The following NEDD4L variants were observed in gnomAD, a reference collection of about 807,000 sequenced individuals.
The protein encoded by NEDD4L is NEDD4 like E3 ubiquitin protein ligase, also known as E3 ubiquitin-protein ligase NEDD4-like.
A neutral mutation model predicts 148.9 loss-of-function variants in NEDD4L; 54 were observed. That is an observed-to-expected ratio of 0.36 (90% CI 0.29 to 0.45). The LOEUF is 0.45. Ranked by LOEUF, NEDD4L falls within the 20% of genes least tolerant of loss-of-function variation. The pLI, the probability that NEDD4L is intolerant of heterozygous loss-of-function variation, is 1.00. For synonymous variants in NEDD4L, 433 were observed against 440.7 expected (o/e 0.98, Z 0.22); for missense variants, 856 against 1,233.8 (o/e 0.69, Z 4.59).
chr18:58,313,269 AT>A (rs1254783692), intron 5 of NEDD4L, among the ~76,000 whole-genome samples: 3 of 152,112 alleles, frequency 2.0e-5, no homozygotes, highest in African/African-American at 7.3e-5. Flanking sequence ...GTTTTAAAAC[AT>A]TTTTTTAACA....
At chr18:58,077,442 C>CT (rs999591658) in intron 1 of NEDD4L, among the ~76,000 whole-genome samples, 9 of 152,142 alleles carry the variant, frequency 5.9e-5, no homozygotes, top group African/African-American at 1.9e-4. Flanking sequence ...ACTGGAATCT[C>CT]TTTTTTTGGA....
In NEDD4L at chr18:58,314,418, C is replaced by CAAAAAAAAA. The variant is rs34786147; in HGVS notation, c.298-1557_298-1549dup. The CAAAAAAAAA allele has an allele frequency of 3.8e-5, 5 of 132,890 alleles. No individual in the cohort carries two copies. The South Asian group carries it at 1.0e-3, about 27-fold the overall frequency. The allele number at this position is 132,890 out of a possible 1,614,324, so 8.2% of individuals were successfully genotyped here. A position where few individuals can be genotyped will look rare whatever the true frequency, so the allele number is the denominator to read the frequency against. ...GGCGACAGAGCAAGAGACTCTGTCT[C>CAAAAAAAAA]AAAAAAAAAAAAAAATAGTGAAATC... On this transcript the variant is annotated intron_variant, in intron 5 of 30. Coordinates refer to ENST00000400345, the MANE Select transcript of NEDD4L (RefSeq NM_001144967.3).
intron 2 of NEDD4L, among the ~76,000 whole-genome samples, chr18:58,226,227 C>T (rs2044335275): frequency 6.6e-6 from 1 of 152,152 alleles, no homozygotes; most frequent in Non-Finnish European, 1.5e-5. Context: ...ATGGAATATC[C>T]TCAGAGAGAA....
chr18:58,211,355 G>T (rs997009596), intron 2 of NEDD4L, among the ~76,000 whole-genome samples: 1 of 152,122 alleles, frequency 6.6e-6, no homozygotes, highest in South Asian at 2.1e-4. Context: ...CTGGATAAAA[G>T]ATAGGTCTCT....
chr18:58,215,429 C>T (rs1267187548), intron 2 of NEDD4L, among the ~76,000 whole-genome samples: 1 of 152,230 alleles, frequency 6.6e-6, no homozygotes. Flanking sequence ...AGTGCCAACT[C>T]ACATCCTTCT....
intron 19 of NEDD4L, among the ~76,000 whole-genome samples, chr18:58,363,185 T>C (rs1038676843): frequency 1.3e-5 from 2 of 152,256 alleles, no homozygotes; most frequent in African/African-American, 4.8e-5. Context: ...GGGTTTTTTA[T>C]ATAAACATGT....
chr18:58,107,522 A>G (rs1231301011), intron 1 of NEDD4L, among the ~76,000 whole-genome samples: 13 of 152,156 alleles, frequency 8.5e-5, no homozygotes. Flanking sequence ...GTTTGAGACC[A>G]GTCTGGGTAA....
chr18:58,056,094 T>G (rs1384695274), intron 1 of NEDD4L, among the ~76,000 whole-genome samples: 1 of 152,186 alleles, frequency 6.6e-6, no homozygotes, highest in East Asian at 1.9e-4. Context: ...AGTGTATCTC[T>G]TCCCAAACAG....
At chr18:58,181,792 AT>A in intron 2 of NEDD4L, among the ~76,000 whole-genome samples, 1 of 152,116 alleles carries the variant, frequency 6.6e-6, no homozygotes, top group Non-Finnish European at 1.5e-5. Flanking sequence ...TCTCAAAAGT[AT>A]TTGTATTTGG....
At chr18:58,326,436 A>T (rs2144497765) in intron 9 of NEDD4L, among the ~76,000 whole-genome samples, 1 of 152,252 alleles carries the variant, frequency 6.6e-6, no homozygotes, top group East Asian at 1.9e-4. Context: ...AGCTTGGTTG[A>T]TTCTTTTTGT....
chr18:58,299,504 C>A (rs1442767205), intron 5 of NEDD4L, among the ~76,000 whole-genome samples: 1 of 152,072 alleles, frequency 6.6e-6, no homozygotes, highest in Non-Finnish European at 1.5e-5. Context: ...TTTTTTAGTA[C>A]CTTTGTGTAT....
intron 2 of NEDD4L, among the ~76,000 whole-genome samples, chr18:58,177,666 C>T (rs958019454): frequency 6.6e-6 from 1 of 152,208 alleles, no homozygotes; most frequent in African/African-American, 2.4e-5. Flanking sequence ...GTCCCTTCTA[C>T]CCAAAAGTCA....
At chr18:58,263,660 C>CTTT (rs71173041) in intron 5 of NEDD4L, among the ~76,000 whole-genome samples, 1,196 of 103,620 alleles carry the variant, frequency 0.012, 49 homozygotes, top group African/African-American at 0.019. Flanking sequence ...ACTTCTTAGG[C>CTTT]TTTTTTTTTT....
At chr18:58,045,070 A>G (rs1272371934) in intron 1 of NEDD4L, 5 of 406,134 alleles carry the variant, frequency 1.2e-5, no homozygotes, top group East Asian at 7.1e-5. Context: ...TCGCCCCTGC[A>G]GCCCGGGAGT....
rs576649288 is a variant in NEDD4L, at chr18:58,342,865, G to A, written c.1378-41G>A. On this transcript the variant is annotated intron_variant, in intron 15 of 30. Coordinates refer to ENST00000400345, the MANE Select transcript of NEDD4L (RefSeq NM_001144967.3). ...AGGTACATTTTGGCACATTGGAATC[G>A]CACATGCTAAAGAGTTCTAATCCTC... 5.3e-5 allele frequency: 77 copies of A among 1,459,692 alleles called. No individual in the cohort carries two copies. The East Asian group carries it at 9.8e-4, about 19-fold the overall frequency. The allele number at this position is 1,459,692 out of a possible 1,614,324, so 90.4% of individuals were successfully genotyped here.
At chr18:58,288,978 T>C (rs749262764) in intron 5 of NEDD4L, among the ~76,000 whole-genome samples, 1 of 152,220 alleles carries the variant, frequency 6.6e-6, no homozygotes, top group Non-Finnish European at 1.5e-5. Flanking sequence ...TGAGTTTAAA[T>C]GTAGTTATCA....
intron 5 of NEDD4L, chr18:58,314,654 G>T (rs906814376): frequency 6.6e-6 from 1 of 152,180 alleles, no homozygotes; most frequent in African/African-American, 2.4e-5. Context: ...GCGTCTCCAC[G>T]TTGAGTTGTA....
chr18:58,375,325 C>G (rs1194546587), intron 24 of NEDD4L, among the ~76,000 whole-genome samples: 1 of 152,046 alleles, frequency 6.6e-6, no homozygotes, highest in Non-Finnish European at 1.5e-5. Context: ...AGTGCCTACC[C>G]TGTTCTCCAG....
chr18:58,312,043 G>A lies in NEDD4L; in HGVS notation c.298-3939G>A, dbSNP rs147596284. On this transcript the variant is annotated intron_variant, in intron 5 of 30. Transcript: ENST00000400345. ...TGAATGTAGTTCATCAGTATTTACCGCACAAGCTCTAAAGGACACAGTGTT... is the reference window on the plus strand; with the variant it reads ...TGAATGTAGTTCATCAGTATTTACCACACAAGCTCTAAAGGACACAGTGTT... Among the ~76,000 whole-genome samples, 63 of 152,260 alleles carry A rather than the reference G, an allele frequency of 4.1e-4. 1 individual carries two copies. Among genetic ancestry groups the A allele is most frequent in the Middle Eastern group, 3.4e-3 (1 of 294 alleles).
Sources: allele counts gnomAD v4.1 joint callset (sites outside exome capture counted in the v4.1 genomes callset), GRCh38; gene constraint gnomAD v4.1.1; transcripts MANE v1.5; gene names NCBI Gene and HGNC (gene_info 2026-07-23, HGNC 2026-07-21).